The following TVP23C variants were observed in gnomAD, a reference collection of about 807,000 sequenced individuals.
TVP23C encodes the protein Golgi apparatus membrane protein TVP23 homolog C.
A neutral mutation model predicts 28.7 loss-of-function variants in TVP23C; 19 were observed. The ratio of observed to expected loss-of-function variants is 0.66; its 90% CI spans 0.46 to 0.97. TVP23C has a LOEUF of 0.97. Among genes scored for constraint, TVP23C ranks in the 50% least tolerant of loss-of-function variants. The pLI is 0.00. For synonymous variants in TVP23C, 68 were observed against 81.7 expected, an observed-to-expected ratio of 0.83 and a Z score of 0.90; for missense variants, 186 against 241.3, an observed-to-expected ratio of 0.77 and a Z score of 1.52.
At chr17:15,525,574 G>C (rs1373230202) in intron 5 of TVP23C, among the ~76,000 whole-genome samples, 1 of 152,222 alleles carries the variant, frequency 6.6e-6, no homozygotes, top group Non-Finnish European at 1.5e-5. Context: ...GCTCCTGCTT[G>C]AGAGTTCCAG....
Position 15,519,240 on chromosome 17 carries a change from G to C in TVP23C, c.463-16008C>G, listed in dbSNP as rs568690602. Among the ~76,000 whole-genome samples the C allele has an allele frequency of 9.3e-4, 142 of 152,180 alleles. 1 individual carries two copies. Among genetic ancestry groups the C allele is most frequent in the Non-Finnish European group, 1.6e-3 (110 of 68,016 alleles). Reference sequence around the variant, plus strand: ...CTGGTATCCACATACTACCATACTAGAACATGAAAACATGTATATGACATG... The same window carrying C: ...CTGGTATCCACATACTACCATACTACAACATGAAAACATGTATATGACATG... On this transcript the variant is annotated intron_variant, in intron 5 of 5. Coordinates refer to the TVP23C transcript ENST00000225576.
At chr17:15,544,113 T>C (rs1341210218) in intron 5 of TVP23C, among the ~76,000 whole-genome samples, 1 of 150,718 alleles carries the variant, frequency 6.6e-6, no homozygotes, top group South Asian at 2.1e-4. Context: ...AAAGGTTAAG[T>C]AAGCCTGGCC....
intron 3 of TVP23C, among the ~76,000 whole-genome samples, chr17:15,553,203 G>A (rs1207201413): frequency 7.0e-6 from 1 of 143,578 alleles, no homozygotes; most frequent in African/African-American, 2.7e-5. Flanking sequence ...AATATTCAGT[G>A]GGTGGCAAGC....
At chr17:15,533,230 G>C (rs2654268), downstream of TVP23C, among the ~76,000 whole-genome samples, 1 of 152,182 alleles carries the variant, frequency 6.6e-6, no homozygotes, top group Non-Finnish European at 1.5e-5. Flanking sequence ...ATGTAACAGA[G>C]AAATAAAAGG....
rs183632309 is a variant in TVP23C, at chr17:15,510,053, C to G, written c.463-6821G>C. On this transcript the variant is annotated intron_variant, in intron 5 of 5. Coordinates refer to the TVP23C transcript ENST00000225576. ...GGAGACGTTGACTTTTTTAAAAAAA[C>G]AGCAAAAGTGCTACTTAGAATGAAT... Among the ~76,000 whole-genome samples the G allele has an allele frequency of 3.7e-3, 558 of 151,474 alleles. 5 individuals carry two copies. Among genetic ancestry groups the G allele is most frequent in the Admixed American group, 0.016 (239 of 15,270 alleles).
intron 5 of TVP23C, among the ~76,000 whole-genome samples, chr17:15,512,462 A>T (rs965446716): frequency 1.3e-5 from 2 of 152,124 alleles, no homozygotes; most frequent in African/African-American, 4.8e-5. Context: ...CTACAGGGGG[A>T]ATTCACCAAT....
Position 15,551,265 on chromosome 17 carries a change from A to ATT in TVP23C, c.240+2418_240+2419dup, listed in dbSNP as rs1258749974. ...AGGCGCCTGCCACCATGCCCGGCTCATTTTTTTTTTTTTTTTTTTTTTAGC... is the reference window on the plus strand; with the variant it reads ...AGGCGCCTGCCACCATGCCCGGCTCATTTTTTTTTTTTTTTTTTTTTTTTAGC... On this transcript the variant is annotated intron_variant, in intron 3 of 5. Coordinates refer to ENST00000518321, the MANE Select transcript of TVP23C (RefSeq NM_001135036.2). Among the ~76,000 whole-genome samples, 203 of 115,304 alleles carry ATT rather than the reference A, an allele frequency of 1.8e-3. 1 individual carries two copies. Among genetic ancestry groups the ATT allele is most frequent in the East Asian group, 3.7e-3 (15 of 4,034 alleles). The allele number at this position is 115,304 out of a possible 152,430, so 75.6% of individuals were successfully genotyped here.
chr17:15,528,634 T>C (rs1225496495), intron 5 of TVP23C, among the ~76,000 whole-genome samples: 1 of 151,044 alleles, frequency 6.6e-6, no homozygotes, highest in Non-Finnish European at 1.5e-5. Flanking sequence ...TGAGATGGAG[T>C]CTCATTTGTC....
intron 5 of TVP23C, among the ~76,000 whole-genome samples, chr17:15,525,060 C>A (rs1396521997): frequency 6.6e-6 from 1 of 152,258 alleles, no homozygotes; most frequent in Admixed American, 6.5e-5. Flanking sequence ...AGTCCTTCCA[C>A]TGCTCCATCC....
At chr17:15,532,641 A>C (rs1328055163), downstream of TVP23C, among the ~76,000 whole-genome samples, 1 of 152,202 alleles carries the variant, frequency 6.6e-6, no homozygotes, top group Non-Finnish European at 1.5e-5. Flanking sequence ...AGAGTTTAAA[A>C]AAGTTTATTT....
chr17:15,526,326 T>C (rs1489633971), intron 5 of TVP23C, among the ~76,000 whole-genome samples: 28 of 152,158 alleles, frequency 1.8e-4, no homozygotes, highest in Admixed American at 1.8e-3. Flanking sequence ...AGCCTCACCA[T>C]TGACAAGTCC....
chr17:15,540,964 G>A (rs528754946), intron 5 of TVP23C, among the ~76,000 whole-genome samples: 3 of 152,346 alleles, frequency 2.0e-5, no homozygotes, highest in African/African-American at 7.2e-5. Flanking sequence ...ACAGTCAAGA[G>A]GTAGATCAAG....
In TVP23C at chr17:15,539,901, G is replaced by C; in HGVS notation, c.*511C>G. 1.4e-6 allele frequency: 1 copy of C among 699,722 alleles called. No homozygotes were observed. The highest frequency in any genetic ancestry group is 6.4e-5 in the South Asian group (1 of 15,540). 43.3% of individuals were successfully genotyped at this position (699,722 alleles called of 1,614,324 possible). ...AAGGTCATGAGATGGAGACCATCCT[G>C]GCTAACATGATGAAATCCCATCTCT... On this transcript the variant is annotated 3_prime_UTR_variant, in exon 6 of 6. Coordinates refer to ENST00000518321, the MANE Select transcript of TVP23C (RefSeq NM_001135036.2).
At chr17:15,546,212 T>G (rs1307670802) in intron 4 of TVP23C, among the ~76,000 whole-genome samples, 1 of 152,162 alleles carries the variant, frequency 6.6e-6, no homozygotes, top group African/African-American at 2.4e-5. Flanking sequence ...TACTATTTAT[T>G]CATAAGGAAG....
At chr17:15,502,753 T>C in exon 6 of TVP23C, 1 of 1,382,042 alleles carries the variant, frequency 7.2e-7, no homozygotes, top group Non-Finnish European at 9.5e-7. Flanking sequence ...CTCTCCCGTC[T>C]CTTTCTCTCC....
At chr17:15,524,063 GGTGT>G (rs10578424) in intron 5 of TVP23C, among the ~76,000 whole-genome samples, 24,722 of 136,094 alleles carry the variant, frequency 0.18, 2,301 homozygotes, top group East Asian at 0.39. Context: ...AGCAGAGTGG[GGTGT>G]GTGTGTGTGT....
rs773445893 is a variant in TVP23C, at chr17:15,545,789, C to T, written c.458G>A (p.Trp153Ter). The T allele has an allele frequency of 1.2e-6, 2 of 1,612,790 alleles. No individual in the cohort carries two copies. The highest frequency in any genetic ancestry group is 2.2e-5 in the East Asian group (1 of 44,844). ...FSALFSFTVK[W>*]LAVVIMGVVL... is the part of the protein sequence containing the mutation. ...AAGTTCTACACTGATACTCACCAGC[C>T]ACTTTACTGTGAAGGAGAAGAGTGC... Residue 153 changes from tryptophan (W) to a stop codon, truncating the protein, a stop_gained, in exon 5 of 6, where the codon TGG becomes TAG. Coordinates refer to ENST00000518321, the MANE Select transcript of TVP23C (RefSeq NM_001135036.2). LOFTEE classifies it high-confidence loss of function.
chr17:15,553,850 A>G, intron 2 of TVP23C, 21 bp from the exon 3 acceptor site: 4 of 1,613,352 alleles, frequency 2.5e-6, no homozygotes, highest in Non-Finnish European at 3.4e-6. Context: ...AAACACAATG[A>G]AAGAAATGCA....
chr17:15,558,866 ATTTT>A (rs564958078), intron 1 of TVP23C, among the ~76,000 whole-genome samples: 2 of 133,242 alleles, frequency 1.5e-5, no homozygotes, highest in Admixed American at 7.7e-5. Context: ...CAGACTGGCC[ATTTT>A]TTTTTTTTTT....
Sources: allele counts gnomAD v4.1 joint callset (sites outside exome capture counted in the v4.1 genomes callset), GRCh38; gene constraint gnomAD v4.1.1; transcripts MANE v1.5; gene names NCBI Gene and HGNC (gene_info 2026-07-23, HGNC 2026-07-21).